PTPRR: variants seen among roughly 807,000 people sequenced by gnomAD.
PTPRR encodes the protein protein tyrosine phosphatase receptor type R.
Under a neutral mutation model 77.2 loss-of-function variants are expected in PTPRR, and 38 were observed. The ratio of observed to expected loss-of-function variants is 0.49; its 90% CI spans 0.38 to 0.65. The LOEUF is 0.65. PTPRR is among the 30% of genes least tolerant of loss of function. The probability of loss-of-function intolerance (pLI) is 0.00; values close to 1 mark genes in which losing one functional copy is unlikely to be tolerated. For synonymous variants in PTPRR, 299 were observed against 283.1 expected, an observed-to-expected ratio of 1.06 and a Z score of -0.57; for missense variants, 744 against 799.2, an observed-to-expected ratio of 0.93 and a Z score of 0.83.
At chr12:70,639,413 C>A in intron 13 of PTPRR, 136 bp from the exon 14 acceptor site, 1 of 1,379,630 alleles carries the variant, frequency 7.2e-7, no homozygotes. Flanking sequence ...TTTGTTATCC[C>A]TCTTACCTGT....
intron 12 of PTPRR, among the ~76,000 whole-genome samples, chr12:70,660,054 G>A (rs1294581348): frequency 6.6e-6 from 1 of 151,974 alleles, no homozygotes; most frequent in Non-Finnish European, 1.5e-5. Flanking sequence ...GTGCATGCCT[G>A]TAATTCCAGC....
rs546295596 is a variant in PTPRR, at chr12:70,722,147, C to A, written c.1008-20824G>T. Among the ~76,000 whole-genome samples the A allele has an allele frequency of 2.5e-3, 373 of 152,224 alleles. 1 individual carries two copies. The highest frequency in any genetic ancestry group is 8.6e-3 in the African/African-American group (356 of 41,542). On this transcript the variant is annotated intron_variant, in intron 6 of 13. Coordinates refer to ENST00000283228, the MANE Select transcript of PTPRR (RefSeq NM_002849.4). The stretch of plus-strand genomic sequence containing the variant: ...CACTCCTTTCCTGCTTTCTTACTAC[C>A]AGAACCCAGGGTCCTTTTAGGTCTT...
chr12:70,804,139 C>CTG (rs58442488), intron 2 of PTPRR, among the ~76,000 whole-genome samples: 3,837 of 137,248 alleles, frequency 0.028, 149 homozygotes, highest in African/African-American at 0.083. Context: ...GTTCCTGGCT[C>CTG]TGTGTGTGTG....
chr12:70,768,698 T>C (rs1448038923), intron 2 of PTPRR, among the ~76,000 whole-genome samples: 4 of 151,924 alleles, frequency 2.6e-5, no homozygotes, highest in Non-Finnish European at 4.4e-5. Flanking sequence ...CGGGCAGAGA[T>C]ACAACAAAAA....
At chr12:70,850,745 C>G (rs773292450) in intron 2 of PTPRR, among the ~76,000 whole-genome samples, 24 of 152,178 alleles carry the variant, frequency 1.6e-4, no homozygotes, top group Non-Finnish European at 3.2e-4. Context: ...ACCTTTCACT[C>G]TCGCATTTTA....
intron 2 of PTPRR, among the ~76,000 whole-genome samples, chr12:70,862,156 C>A (rs968771832): frequency 6.6e-6 from 1 of 152,024 alleles, no homozygotes; most frequent in South Asian, 2.1e-4. Context: ...AGAGTTTGAG[C>A]AAATTCTCCA....
rs576884611 is a variant in PTPRR at position 70,765,751 on chromosome 12, G to A, written c.358-973C>T. Among the ~76,000 whole-genome samples, 325 of 152,260 alleles carry A rather than the reference G, an allele frequency of 2.1e-3. 2 individuals are homozygous for A. The highest frequency in any genetic ancestry group is 7.5e-3 in the African/African-American group (313 of 41,554). ...CCCTGACCCCTGAGCAGGCTAACTG[G>A]GAGGCACCCCCCCAGAAGGGGCAGA... On this transcript the variant is annotated intron_variant, in intron 2 of 13. Transcript: ENST00000283228.
At chr12:70,864,109 C>G (rs977941219) in intron 2 of PTPRR, among the ~76,000 whole-genome samples, 1 of 152,292 alleles carries the variant, frequency 6.6e-6, no homozygotes, top group Non-Finnish European at 1.5e-5. Context: ...GCTGCAAAAT[C>G]AGAAAATGAA....
At chr12:70,867,806 C>T (rs1363735749) in intron 2 of PTPRR, among the ~76,000 whole-genome samples, 1 of 152,074 alleles carries the variant, frequency 6.6e-6, no homozygotes, top group Non-Finnish European at 1.5e-5. Context: ...GCTACAGTAA[C>T]CAAAACAGCA....
chr12:70,891,908 C>A (rs913371765), intron 2 of PTPRR, among the ~76,000 whole-genome samples: 1 of 152,002 alleles, frequency 6.6e-6, no homozygotes, highest in African/African-American at 2.4e-5. Context: ...AGCAGAGATG[C>A]AATAACAACC....
intron 5 of PTPRR, among the ~76,000 whole-genome samples, chr12:70,750,155 T>A (rs184252078): frequency 6.6e-6 from 1 of 152,196 alleles, no homozygotes; most frequent in Non-Finnish European, 1.5e-5. Flanking sequence ...TGGCAACATT[T>A]TTTTTTTGTA....
At chr12:70,879,918 T>C (rs958774273) in intron 2 of PTPRR, among the ~76,000 whole-genome samples, 1 of 152,172 alleles carries the variant, frequency 6.6e-6, no homozygotes, top group African/African-American at 2.4e-5. Flanking sequence ...ATGAGGTTAG[T>C]TCACAAAATA....
chr12:70,814,401 T>C (rs1198791820), intron 2 of PTPRR, among the ~76,000 whole-genome samples: 1 of 152,134 alleles, frequency 6.6e-6, no homozygotes, highest in African/African-American at 2.4e-5. Context: ...GGTGCCCCTT[T>C]CTCTCCTCCC....
intron 2 of PTPRR, among the ~76,000 whole-genome samples, chr12:70,822,459 C>T (rs1279673642): frequency 6.6e-6 from 1 of 152,132 alleles, no homozygotes; most frequent in Non-Finnish European, 1.5e-5. Context: ...TTATAATATT[C>T]ATGAAAAACA....
chr12:70,640,503 C>A (rs989064637), intron 13 of PTPRR, among the ~76,000 whole-genome samples: 31 of 152,154 alleles, frequency 2.0e-4, no homozygotes, highest in Non-Finnish European at 4.6e-4. Context: ...GACAAAGTTA[C>A]CAGACATTAA....
intron 2 of PTPRR, among the ~76,000 whole-genome samples, chr12:70,782,657 G>C (rs569985946): frequency 6.6e-6 from 1 of 151,798 alleles, no homozygotes; most frequent in African/African-American, 2.4e-5. Flanking sequence ...TTGGACACAG[G>C]AAGGGAAACA....
In PTPRR at chr12:70,658,883, G is replaced by GTTTTTTTTTTTTTTTTTT. The variant is rs746595856; in HGVS notation, c.1766+2039_1766+2056dup. Among the ~76,000 whole-genome samples the GTTTTTTTTTTTTTTTTTT allele has an allele frequency of 5.7e-4, 21 of 36,938 alleles. 2 individuals are homozygous for GTTTTTTTTTTTTTTTTTT. The highest frequency in any genetic ancestry group is 8.9e-4 in the Admixed American group (2 of 2,256). 24.2% of individuals were successfully genotyped at this position (36,938 alleles called of 152,430 possible). A position where few individuals can be genotyped will look rare whatever the true frequency, so the allele number is the denominator to read the frequency against. On this transcript the variant is annotated intron_variant, in intron 12 of 13. Coordinates refer to ENST00000283228, the MANE Select transcript of PTPRR (RefSeq NM_002849.4). ...TTCAACGTTAGGGACTTTTGCTCTA[G>GTTTTTTTTTTTTTTTTTT]TTTTTTTTTTTTTTTTTTTTTTTTT...
chr12:70,766,771 C>T (rs1443938662), intron 2 of PTPRR, among the ~76,000 whole-genome samples: 2 of 152,028 alleles, frequency 1.3e-5, no homozygotes, highest in South Asian at 2.1e-4. Context: ...AGAGAAAGGT[C>T]GGGTTACCCA....
intron 2 of PTPRR, among the ~76,000 whole-genome samples, chr12:70,872,292 G>A (rs916329342): frequency 1.3e-5 from 2 of 152,120 alleles, no homozygotes; most frequent in Admixed American, 6.5e-5. Flanking sequence ...TGAGCATGTG[G>A]ACACTGGAAA....
Sources: gnomAD v4.1 joint callset for allele counts (sites outside exome capture counted in the v4.1 genomes callset) on GRCh38, gnomAD v4.1.1 for gene constraint, MANE v1.5 for transcripts, NCBI Gene and HGNC (gene_info 2026-07-23, HGNC 2026-07-21) for gene names.